Variants in KCNJ6 observed in about 807,000 individuals in gnomAD.
KCNJ6 encodes the protein potassium inwardly rectifying channel subfamily J member 6.
Under a neutral mutation model 34.2 loss-of-function variants are expected in KCNJ6, and 9 were observed. That is an observed-to-expected ratio of 0.26 (90% confidence interval 0.16 to 0.46). The LOEUF is 0.46. KCNJ6 is among the 20% of genes least tolerant of loss of function. The pLI is 1.00. For missense variants in KCNJ6, 236 were observed against 531.3 expected, an observed-to-expected ratio of 0.44 and a Z score of 5.46; for synonymous variants, 196 against 207.1, an observed-to-expected ratio of 0.95 and a Z score of 0.46.
At chr21:37,663,053 A>C (rs2054497138) in intron 3 of KCNJ6, among the ~76,000 whole-genome samples, 1 of 147,712 alleles carries the variant, frequency 6.8e-6, no homozygotes, top group East Asian at 1.9e-4. Flanking sequence ...ACTTGGAAGC[A>C]AAAAAAATTT....
chr21:37,916,162 C>A lies in KCNJ6; in HGVS notation c.-306G>T, dbSNP rs1341897336. On this transcript the variant is annotated 5_prime_UTR_variant, in exon 1 of 4. Coordinates refer to ENST00000609713, the MANE Select transcript of KCNJ6 (RefSeq NM_002240.5). ...CCCAGCCTCTCCAGCCAGGTGCGGC[C>A]GTCTCCGGACTGGCTCCCTCTGGCC... 1 of 152,110 alleles carries A rather than the reference C, an allele frequency of 6.6e-6. No homozygotes were observed. Among genetic ancestry groups the A allele is most frequent in the Non-Finnish European group, 1.5e-5 (1 of 68,064 alleles). The allele number at this position is 152,110 out of a possible 1,614,324, so 9.4% of individuals were successfully genotyped here. A position where few individuals can be genotyped will look rare whatever the true frequency, so the allele number is the denominator to read the frequency against.
intron 1 of KCNJ6, among the ~76,000 whole-genome samples, chr21:37,887,038 T>A (rs1023690726): frequency 6.6e-6 from 1 of 151,794 alleles, no homozygotes; most frequent in Non-Finnish European, 1.5e-5. Flanking sequence ...AGCCCTTCCT[T>A]CCCTCTCCTA....
chr21:37,800,364 A>T (rs934496531), intron 2 of KCNJ6, among the ~76,000 whole-genome samples: 2 of 152,208 alleles, frequency 1.3e-5, no homozygotes, highest in Non-Finnish European at 2.9e-5. Context: ...TATGCTGGAC[A>T]ATGAAAATGT....
chr21:37,748,447 G>T (rs1195264534), intron 2 of KCNJ6, among the ~76,000 whole-genome samples: 1 of 152,224 alleles, frequency 6.6e-6, no homozygotes, highest in Non-Finnish European at 1.5e-5. Context: ...TGGATGGGAG[G>T]AGAGAAGAGT....
chr21:37,646,066 T>TAA (rs1431750233), intron 3 of KCNJ6, among the ~76,000 whole-genome samples: 1 of 152,210 alleles, frequency 6.6e-6, no homozygotes, highest in Admixed American at 6.5e-5. Flanking sequence ...TACATCCTCG[T>TAA]AAATGTATGC....
chr21:37,712,121 T>C (rs934906159), intron 3 of KCNJ6, among the ~76,000 whole-genome samples: 5 of 152,190 alleles, frequency 3.3e-5, no homozygotes, highest in African/African-American at 9.7e-5. Context: ...TTTACAGAGA[T>C]TGGGCTCTGG....
In KCNJ6 at chr21:37,752,118, T is replaced by C. The variant is rs567526445; in HGVS notation, c.26-36987A>G. On this transcript the variant is annotated intron_variant, in intron 2 of 3. Transcript: ENST00000609713. ...TCACCTAAAGAAGAGCCTTCAGGAA[T>C]CTTGGATCTGTCGTTCACCCAGTGG... Among the ~76,000 whole-genome samples the C allele has an allele frequency of 1.1e-3, 165 of 152,296 alleles. 1 individual carries two copies. Among genetic ancestry groups the C allele is most frequent in the African/African-American group, 3.7e-3 (153 of 41,566 alleles).
intron 1 of KCNJ6, among the ~76,000 whole-genome samples, chr21:37,880,414 T>C (rs909207095): frequency 1.3e-5 from 2 of 152,248 alleles, no homozygotes; most frequent in Non-Finnish European, 2.9e-5. Context: ...ACAAAGGGCA[T>C]GGGCCATGCC....
intron 2 of KCNJ6, among the ~76,000 whole-genome samples, chr21:37,794,748 G>A (rs2055233010): frequency 6.6e-6 from 1 of 151,996 alleles, no homozygotes; most frequent in Non-Finnish European, 1.5e-5. Flanking sequence ...GCAAGGGGAG[G>A]GAGAACATTA....
chr21:37,737,814 C>T lies in KCNJ6; in HGVS notation c.26-22683G>A, dbSNP rs529087239. ...ATCTTGTATAACCCTGCAGTGGCCC[C>T]GTCTAGGAACCCAAAGACATTCTGG... On this transcript the variant is annotated intron_variant, in intron 2 of 3. Transcript: ENST00000609713. Among the ~76,000 whole-genome samples, 57 of 152,306 alleles carry T rather than the reference C, an allele frequency of 3.7e-4. 1 individual carries two copies. The highest frequency in any genetic ancestry group is 1.2e-3 in the African/African-American group (49 of 41,564).
chr21:37,608,248 ACCTT>A lies in KCNJ6; in HGVS notation c.*16907_*16910del, dbSNP rs2123345371. 1 of 152,128 alleles carries A rather than the reference ACCTT, an allele frequency of 6.6e-6. No homozygotes were observed. Among genetic ancestry groups the A allele is most frequent in the African/African-American group, 2.4e-5 (1 of 41,500 alleles). 9.4% of individuals were successfully genotyped at this position (152,128 alleles called of 1,614,324 possible). The stretch of plus-strand genomic sequence containing the variant: ...GGTCTAGGTACCATCCCCCAATCTT[ACCTT>A]GTGTGTTTCTGTTTTAAGACCCTCT... On this transcript the variant is annotated 3_prime_UTR_variant, in exon 4 of 4. Coordinates refer to ENST00000609713, the MANE Select transcript of KCNJ6 (RefSeq NM_002240.5).
chr21:37,763,162 G>C (rs1406141354), intron 2 of KCNJ6, among the ~76,000 whole-genome samples: 3 of 152,052 alleles, frequency 2.0e-5, no homozygotes, highest in South Asian at 4.2e-4. Context: ...GTCACCACCC[G>C]CTCCCAGCTG....
In KCNJ6 at chr21:37,664,463, TATA is replaced by T. The variant is rs957943910; in HGVS notation, c.947-38982_947-38980del. On this transcript the variant is annotated intron_variant, in intron 3 of 3. Coordinates refer to ENST00000609713, the MANE Select transcript of KCNJ6 (RefSeq NM_002240.5). ...ATGAGATTAATACAGTAAAAAAATA[TATA>T]ATTTAAATACACAATATCTGAAATT... Among the ~76,000 whole-genome samples, 9 of 152,040 alleles carry T rather than the reference TATA, an allele frequency of 5.9e-5. 1 individual carries two copies. Among genetic ancestry groups the T allele is most frequent in the Middle Eastern group, 6.8e-3 (2 of 294 alleles).
chr21:37,781,958 A>G (rs999463201), intron 2 of KCNJ6, among the ~76,000 whole-genome samples: 5 of 152,200 alleles, frequency 3.3e-5, no homozygotes, highest in Admixed American at 3.3e-4. Context: ...GCCTGTGAAC[A>G]TGTTACTTTA....
intron 2 of KCNJ6, among the ~76,000 whole-genome samples, chr21:37,725,028 A>C (rs539864305): frequency 2.5e-4 from 38 of 152,344 alleles, no homozygotes; most frequent in African/African-American, 8.9e-4. Context: ...ACAATGTAAA[A>C]ATTGTAAATG....
chr21:37,751,155 C>G (rs894463443), intron 2 of KCNJ6, among the ~76,000 whole-genome samples: 2 of 152,098 alleles, frequency 1.3e-5, no homozygotes, highest in Non-Finnish European at 2.9e-5. Flanking sequence ...TTAAGCAGGG[C>G]CAAGAGAAAG....
chr21:37,792,916 C>G (rs2055223550), intron 2 of KCNJ6, among the ~76,000 whole-genome samples: 1 of 152,152 alleles, frequency 6.6e-6, no homozygotes, highest in South Asian at 2.1e-4. Flanking sequence ...ATAGATTGGT[C>G]AAGGCCCTGT....
chr21:37,841,812 C>T (rs560906082), intron 1 of KCNJ6, among the ~76,000 whole-genome samples: 3 of 152,238 alleles, frequency 2.0e-5, no homozygotes, highest in African/African-American at 7.2e-5. Context: ...TTTACCAGAT[C>T]CCATTTAATT....
intron 2 of KCNJ6, among the ~76,000 whole-genome samples, chr21:37,764,829 T>G (rs553538583): frequency 4.5e-4 from 68 of 152,226 alleles, no homozygotes; most frequent in African/African-American, 1.6e-3. Context: ...GAGGGGAGAA[T>G]TGAGGGTGGT....
Sources: gnomAD v4.1 joint callset for allele counts (sites outside exome capture counted in the v4.1 genomes callset) on GRCh38, gnomAD v4.1.1 for gene constraint, MANE v1.5 for transcripts, NCBI Gene and HGNC (gene_info 2026-07-23, HGNC 2026-07-21) for gene names.